Variants in LANCL3 observed in about 807,000 individuals in gnomAD.
The protein encoded by LANCL3 is LanC like family member 3, also known as lanC-like protein 3.
Under a neutral mutation model 26.5 loss-of-function variants are expected in LANCL3, and 19 were observed. The ratio of observed to expected loss-of-function variants is 0.72; its 90% confidence interval spans 0.50 to 1.05. The LOEUF (loss-of-function observed/expected upper bound fraction) is 1.05, where lower values mean the gene tolerates loss of function less well. LANCL3 is among the 50% of genes least tolerant of loss of function. The pLI is 0.00. For synonymous variants in LANCL3, 160 were observed against 166.6 expected, an observed-to-expected ratio of 0.96 and a Z score of 0.30; for missense variants, 318 against 362.7, an observed-to-expected ratio of 0.88 and a Z score of 1.00.
At chrX:37,582,470 T>C (rs1407241298) in intron 1 of LANCL3, among the ~76,000 whole-genome samples, 1 of 111,967 alleles carries the variant, frequency 8.9e-6, no homozygotes, top group African/African-American at 3.3e-5. Flanking sequence ...TTAATGATCG[T>C]CATTCTAACT....
At chrX:37,579,574 T>G (rs1556416779) in intron 1 of LANCL3, among the ~76,000 whole-genome samples, 1 of 111,444 alleles carries the variant, frequency 9.0e-6, no homozygotes, top group Non-Finnish European at 1.9e-5. Context: ...TATGAATTGT[T>G]TATTTCTGGA....
At chrX:37,654,386 A>G (rs1461555877) in intron 1 of LANCL3, among the ~76,000 whole-genome samples, 1 of 112,447 alleles carries the variant, frequency 8.9e-6, no homozygotes, top group East Asian at 2.8e-4. Flanking sequence ...CAGTTTTAGG[A>G]GAGAGGCCAA....
chrX:37,571,842 G>A lies in LANCL3; in HGVS notation c.-29G>A. 2.6e-6 allele frequency: 3 copies of A among 1,170,382 alleles called. No homozygotes were observed. The South Asian group carries it at 5.8e-5, about 22-fold the overall frequency. The stretch of plus-strand genomic sequence containing the variant: ...AGGGCACGACTTCAAGCGGTCCTCA[G>A]CTCCGCACTAGGGGGCACGGGCAAC... On this transcript the variant is annotated 5_prime_UTR_variant, in exon 1 of 5. Coordinates refer to ENST00000378619, the MANE Select transcript of LANCL3 (RefSeq NM_001170331.2).
chrX:37,624,156 T>C (rs1602112638), intron 1 of LANCL3, among the ~76,000 whole-genome samples: 2 of 111,693 alleles, frequency 1.8e-5, no homozygotes, highest in African/African-American at 6.5e-5. Context: ...CAAATTGCCT[T>C]CCAAAGAGGT....
intron 1 of LANCL3, among the ~76,000 whole-genome samples, chrX:37,645,898 G>A (rs1925972806): frequency 9.0e-6 from 1 of 111,608 alleles, no homozygotes; most frequent in South Asian, 3.8e-4. Flanking sequence ...TAATGTGTGT[G>A]CACCTTGAGG....
intron 1 of LANCL3, among the ~76,000 whole-genome samples, chrX:37,649,352 G>C (rs938314489): frequency 9.0e-6 from 1 of 111,135 alleles, no homozygotes; most frequent in Admixed American, 9.6e-5. Flanking sequence ...ACTAACACAG[G>C]AACAGAAAAC....
In LANCL3 at chrX:37,583,806, T is replaced by C. The variant is rs1556417410; in HGVS notation, c.573+11363T>C. 2.7e-5 allele frequency among the ~76,000 whole-genome samples: 3 copies of C among 112,080 alleles called. No homozygotes were observed. In the East Asian group the frequency reaches 8.4e-4, roughly 31 times the overall value. On this transcript the variant is annotated intron_variant, in intron 1 of 4. Coordinates refer to ENST00000378619, the MANE Select transcript of LANCL3 (RefSeq NM_001170331.2). The stretch of plus-strand genomic sequence containing the variant: ...CCTCTTTTCCTAATTGAATACCTTT[T>C]ATTTCTTTCTCCTGCCTGATTGCCC...
intron 1 of LANCL3, among the ~76,000 whole-genome samples, chrX:37,647,199 A>G (rs1204585273): frequency 2.7e-5 from 3 of 110,726 alleles, no homozygotes; most frequent in Non-Finnish European, 3.8e-5. Context: ...CTGTAGTCCC[A>G]TCTACTTGGG....
rs1439640027 is a variant in LANCL3, at chrX:37,633,497, G to A, written c.574-22191G>A. 1.1e-4 allele frequency among the ~76,000 whole-genome samples: 12 copies of A among 111,647 alleles called. 1 individual carries two copies. The highest frequency in any genetic ancestry group is 9.2e-3 in the Middle Eastern group (2 of 218). ...GGAACTGTGTTCCTTTGGAGGAGGA[G>A]AGGCGCTCTGCTTTTTAGAGTTTCC... is the stretch of plus-strand genomic sequence containing the variant. On this transcript the variant is annotated intron_variant, in intron 1 of 4. Coordinates refer to ENST00000378619, the MANE Select transcript of LANCL3 (RefSeq NM_001170331.2).
chrX:37,675,594 C>A, intron 4 of LANCL3, 60 bp from the exon 5 acceptor site: 3 of 691,513 alleles, frequency 4.3e-6, no homozygotes, highest in Non-Finnish European at 6.0e-6. Flanking sequence ...AAGAAGCAAC[C>A]CAAGGTCCAT....
intron 1 of LANCL3, among the ~76,000 whole-genome samples, chrX:37,596,482 CTTA>C (rs1924432123): frequency 8.9e-6 from 1 of 112,200 alleles, no homozygotes; most frequent in South Asian, 3.7e-4. Context: ...GCAGAACAAT[CTTA>C]TTGTGATTTC....
At chrX:37,667,540 AT>A in intron 4 of LANCL3, 51 bp downstream of exon 4, 1 of 845,388 alleles carries the variant, frequency 1.2e-6, no homozygotes, top group South Asian at 3.4e-5. Context: ...TAATCTAATT[AT>A]TTTTCTGAAT....
At chrX:37,618,392 T>A (rs947971614) in intron 1 of LANCL3, among the ~76,000 whole-genome samples, 5 of 111,937 alleles carry the variant, frequency 4.5e-5, no homozygotes, top group African/African-American at 1.6e-4. Context: ...GTGGCTTGCC[T>A]CTTCACTTCC....
chrX:37,589,952 T>C (rs1259860820), intron 1 of LANCL3, among the ~76,000 whole-genome samples: 1 of 112,364 alleles, frequency 8.9e-6, no homozygotes, highest in Admixed American at 9.4e-5. Flanking sequence ...GCATCACCCC[T>C]AAAACAAGAA....
At chrX:37,631,610 C>A (rs782566703) in intron 1 of LANCL3, among the ~76,000 whole-genome samples, 306 of 111,197 alleles carry the variant, frequency 2.8e-3, no homozygotes, top group Non-Finnish European at 4.5e-3. Flanking sequence ...TTTCCCTCTA[C>A]ACACTGCTTT....
At chrX:37,583,393 T>C (rs1923958969) in intron 1 of LANCL3, among the ~76,000 whole-genome samples, 2 of 112,137 alleles carry the variant, frequency 1.8e-5, no homozygotes, top group Admixed American at 9.4e-5. Context: ...ATTGAATCTA[T>C]AAATTACCTT....
chrX:37,642,557 C>T (rs1428764834), intron 1 of LANCL3, among the ~76,000 whole-genome samples: 1 of 109,885 alleles, frequency 9.1e-6, no homozygotes, highest in African/African-American at 3.4e-5. Context: ...ATATTCAAGG[C>T]AGCCAAAAAA....
chrX:37,629,430 T>C (rs1410161986), intron 1 of LANCL3, among the ~76,000 whole-genome samples: 1 of 110,372 alleles, frequency 9.1e-6, no homozygotes, highest in Non-Finnish European at 1.9e-5. Context: ...TTTCTTTTGC[T>C]GTGCAGAAGC....
At chrX:37,634,002 T>C (rs933424810) in intron 1 of LANCL3, among the ~76,000 whole-genome samples, 12 of 112,597 alleles carry the variant, frequency 1.1e-4, no homozygotes, top group Non-Finnish European at 2.3e-4. Flanking sequence ...AGGTTACTGC[T>C]GTCTTTTTGT....
Sources: allele counts gnomAD v4.1 joint callset (sites outside exome capture counted in the v4.1 genomes callset), GRCh38; gene constraint gnomAD v4.1.1; transcripts MANE v1.5; gene names NCBI Gene and HGNC (gene_info 2026-07-23, HGNC 2026-07-21).